The following ARNT variants were observed in gnomAD, a reference collection of about 807,000 sequenced individuals.
The protein encoded by ARNT is aryl hydrocarbon receptor nuclear translocator, also known as class E basic helix-loop-helix protein 2.
ARNT carries 30 observed loss-of-function variants against 105.0 expected under a neutral mutation model. The observed-to-expected ratio is 0.29, with a 90% CI of 0.21 to 0.39. ARNT has a LOEUF of 0.39. ARNT is among the 10% of genes least tolerant of loss of function. ARNT has a pLI of 1.00. For missense variants in ARNT, 748 were observed against 978.7 expected (o/e 0.76, Z 3.15); for synonymous variants, 304 against 344.0 (o/e 0.88, Z 1.29).
chr1:150,826,070 T>C (rs1427243854), intron 13 of ARNT, among the ~76,000 whole-genome samples: 1 of 151,980 alleles, frequency 6.6e-6, no homozygotes, highest in African/African-American at 2.4e-5. Context: ...TGCACCACCA[T>C]ACCAGGCTAA....
intron 3 of ARNT, among the ~76,000 whole-genome samples, chr1:150,847,913 G>A (rs754813747): frequency 6.6e-6 from 1 of 152,082 alleles, no homozygotes; most frequent in Non-Finnish European, 1.5e-5. Flanking sequence ...ATTTGGCAAA[G>A]TTCATCTAGT....
chr1:150,816,125 G>A, intron 19 of ARNT, 134 bp downstream of exon 19: 1 of 1,150,284 alleles, frequency 8.7e-7, no homozygotes, highest in Non-Finnish European at 1.2e-6. Flanking sequence ...TCTCAACAAA[G>A]ATGGAAATTG....
At chr1:150,857,681 G>A (rs991639622) in intron 2 of ARNT, among the ~76,000 whole-genome samples, 1 of 152,142 alleles carries the variant, frequency 6.6e-6, no homozygotes, top group African/African-American at 2.4e-5. Flanking sequence ...CCTTTCTGAA[G>A]CTTTTCTCAG....
In ARNT at chr1:150,875,278, TA is replaced by T. The variant is rs914102279; in HGVS notation, c.25+1264del. ...TTCCTTCAAAAAAAATTTAAAAGAT[TA>T]AAAAAAAATGACGTGACAAATTAAC... is the stretch of plus-strand genomic sequence containing the variant. On this transcript the variant is annotated intron_variant, in intron 1 of 21. Transcript: ENST00000358595. Among the ~76,000 whole-genome samples the T allele has an allele frequency of 5.3e-5, 8 of 151,126 alleles. No homozygotes were observed. The East Asian group carries it at 7.7e-4, about 15-fold the overall frequency.
In ARNT at chr1:150,816,358, A is replaced by G. The variant is rs771464000; in HGVS notation, c.1851T>C (p.Ser617=). 69 of 1,609,700 alleles carry G rather than the reference A, an allele frequency of 4.3e-5. No homozygotes were observed. Among genetic ancestry groups the G allele is most frequent in the Non-Finnish European group, 5.7e-5 (67 of 1,178,924 alleles). ...AAATCTGGGCCAACATCTGTCCTGC[A>G]GAAGCTGATGGCTGGACAATGGTTA... ...PPVTIVQPSA[S]AGQMLAQISR... Residue 617 remains serine (S), a synonymous_variant, in exon 19 of 22, where the codon TCT becomes TCC. Coordinates refer to ENST00000358595, the MANE Select transcript of ARNT (RefSeq NM_001668.4).
intron 1 of ARNT, among the ~76,000 whole-genome samples, chr1:150,859,524 C>CT (rs1242373941): frequency 1.3e-5 from 2 of 148,378 alleles, no homozygotes; most frequent in Non-Finnish European, 3.0e-5. Flanking sequence ...TTTTTTTTTT[C>CT]TTTTTTTTTC....
chr1:150,813,114 C>A lies in ARNT; in HGVS notation c.2280+58G>T. On this transcript the variant is annotated intron_variant, in intron 21 of 21. Transcript: ENST00000358595. ...GCATGCTTCCTTCACTGTCTCTCCT[C>A]CTCCTGGACCCTTTCTCTCCCAGCT... is the stretch of plus-strand genomic sequence containing the variant. 1.9e-6 allele frequency: 3 copies of A among 1,569,050 alleles called. No individual in the cohort carries two copies. The South Asian group carries it at 3.6e-5, about 19-fold the overall frequency.
intron 9 of ARNT, 22 bp from the exon 10 acceptor site, chr1:150,831,925 G>GGA (rs1557883116): frequency 3.6e-6 from 4 of 1,114,606 alleles, no homozygotes; most frequent in Non-Finnish European, 5.1e-6. Context: ...ACAGGAGTTT[G>GGA]AAAAAAAAAA....
At chr1:150,834,461 C>T (rs1659903699) in intron 8 of ARNT, 77 bp downstream of exon 8, 2 of 1,424,358 alleles carry the variant, frequency 1.4e-6, no homozygotes, top group Non-Finnish European at 2.0e-6. Flanking sequence ...GCTAATCCAA[C>T]TTAACTCTGA....
intron 8 of ARNT, among the ~76,000 whole-genome samples, chr1:150,832,768 T>C (rs1394065631): frequency 2.0e-5 from 3 of 152,236 alleles, no homozygotes; most frequent in African/African-American, 7.2e-5. Context: ...GGCATGGCTA[T>C]GTTCCAATAA....
intron 1 of ARNT, among the ~76,000 whole-genome samples, chr1:150,861,745 A>C (rs941261383): frequency 2.6e-5 from 4 of 152,226 alleles, no homozygotes; most frequent in Non-Finnish European, 4.4e-5. Context: ...ACCCAAAAAA[A>C]AGGGTCATAC....
chr1:150,871,338 T>C (rs944997056), intron 1 of ARNT, among the ~76,000 whole-genome samples: 1 of 143,274 alleles, frequency 7.0e-6, no homozygotes, highest in African/African-American at 2.6e-5. Flanking sequence ...TCTCACTCTG[T>C]CGCCCAGGCT....
In ARNT at chr1:150,826,493, G is replaced by A. The variant is rs776444164; in HGVS notation, c.1242+50C>T. 12 of 1,423,202 alleles carry A rather than the reference G, an allele frequency of 8.4e-6. No individual in the cohort carries two copies. The East Asian group carries it at 2.5e-4, about 30-fold the overall frequency. The allele number at this position is 1,423,202 out of a possible 1,614,324, so 88.2% of individuals were successfully genotyped here. A position where few individuals can be genotyped will look rare whatever the true frequency, so the allele number is the denominator to read the frequency against. ...AGTTAATCAGTAGTCAATATTTATG[G>A]AGTGAATATGACAAATATTTATTCA... On this transcript the variant is annotated intron_variant, in intron 13 of 21. Transcript: ENST00000358595.
chr1:150,852,187 T>C (rs1339646881), intron 3 of ARNT, among the ~76,000 whole-genome samples: 1 of 150,286 alleles, frequency 6.7e-6, no homozygotes, highest in African/African-American at 2.4e-5. Flanking sequence ...TGTACTTCCT[T>C]GTGTAACCCC....
chr1:150,832,343 T>C lies in ARNT; in HGVS notation c.860A>G (p.Asn287Ser), dbSNP rs1659498491. 2 of 1,614,034 alleles carry C rather than the reference T, an allele frequency of 1.2e-6. No homozygotes were observed. Among genetic ancestry groups the C allele is most frequent in the African/African-American group, 2.7e-5 (2 of 74,932 alleles). Reference protein sequence around the residue: ...VSVNRLSFVRNRCRNGLGSVK... With the variant: ...VSVNRLSFVRSRCRNGLGSVK... ...CCACTTAGGATCTCACCTGCATCTG[T>C]TCCTCACAAAGCTCAGCCTATTCAC... The change falls in exon 9 of 22, where the codon AAC becomes AGC. Residue 287 changes from asparagine (N) to serine (S), a missense_variant. Asn to Ser is a conservative substitution (Grantham distance 46). This residue lies in a region of ARNT where 291 missense variants were observed against 444.6 expected (regional missense o/e 0.65). Transcript: ENST00000358595.
At chr1:150,838,024 TTAAG>T (rs891311895) in intron 6 of ARNT, among the ~76,000 whole-genome samples, 1 of 152,180 alleles carries the variant, frequency 6.6e-6, no homozygotes, top group African/African-American at 2.4e-5. Flanking sequence ...CCAAAACTAA[TTAAG>T]TAGTCGCCCT....
chr1:150,833,937 CT>C (rs1449123694), intron 8 of ARNT, among the ~76,000 whole-genome samples: 310 of 141,714 alleles, frequency 2.2e-3, no homozygotes, highest in Middle Eastern at 3.7e-3. Flanking sequence ...TTTTCTTTTT[CT>C]TTTTTTTTTT....
intron 1 of ARNT, among the ~76,000 whole-genome samples, chr1:150,860,705 A>G (rs901952032): frequency 1.3e-5 from 2 of 151,552 alleles, no homozygotes; most frequent in Admixed American, 1.3e-4. Context: ...AAAATACAAC[A>G]ATTAGCCAGG....
At chr1:150,846,038 T>C (rs192107291) in intron 4 of ARNT, among the ~76,000 whole-genome samples, 178 of 152,358 alleles carry the variant, frequency 1.2e-3, no homozygotes, top group Non-Finnish European at 1.6e-3. Flanking sequence ...AGTTATCACA[T>C]ACACAGAAAA....
Sources: allele counts gnomAD v4.1 joint callset (sites outside exome capture counted in the v4.1 genomes callset), GRCh38; gene constraint gnomAD v4.1.1; regional missense constraint gnomAD v4.1.1; transcripts MANE v1.5; gene names NCBI Gene and HGNC (gene_info 2026-07-23, HGNC 2026-07-21).